The following TPR variants were observed in gnomAD, a reference collection of about 807,000 sequenced individuals.
TPR encodes nucleoprotein TPR.
A neutral mutation model predicts 316.1 loss-of-function variants in TPR; 51 were observed. The ratio of observed to expected loss-of-function variants is 0.16; its 90% CI spans 0.13 to 0.20. The LOEUF is 0.20. Among genes scored for constraint, TPR ranks in the 10% least tolerant of loss-of-function variants. TPR has a pLI of 1.00. For missense variants in TPR, 2,272 were observed against 2,754.8 expected (o/e 0.82, Z 3.92); for synonymous variants, 981 against 914.7 (o/e 1.07, Z -1.31).
At chr1:186,336,908 A>C in intron 32 of TPR, 105 bp downstream of exon 32, 1 of 1,515,058 alleles carries the variant, frequency 6.6e-7, no homozygotes, top group Non-Finnish European at 9.0e-7. Context: ...AAAGAATAAA[A>C]TGTATCCATT....
chr1:186,363,028 T>G, intron 5 of TPR, 27 bp from the exon 6 acceptor site: 1 of 1,579,428 alleles, frequency 6.3e-7, no homozygotes, highest in Non-Finnish European at 8.5e-7. Flanking sequence ...AAATAACACG[T>G]ACAGTTAAAG....
intron 14 of TPR, among the ~76,000 whole-genome samples, chr1:186,356,996 C>A (rs1053179664): frequency 3.3e-5 from 5 of 152,166 alleles, no homozygotes; most frequent in African/African-American, 1.2e-4. Context: ...TTGCTCAATT[C>A]TTTCCTCCCT....
At chr1:186,344,852 C>T (rs901333891) in intron 24 of TPR, among the ~76,000 whole-genome samples, 2 of 152,044 alleles carry the variant, frequency 1.3e-5, no homozygotes, top group African/African-American at 4.8e-5. Flanking sequence ...ATTATAGATC[C>T]ATTGATTTTA....
At chr1:186,323,947 A>T in intron 42 of TPR, 77 bp from the exon 43 acceptor site, 1 of 1,401,562 alleles carries the variant, frequency 7.1e-7, no homozygotes, top group Non-Finnish European at 9.6e-7. Flanking sequence ...AGAAGTATAA[A>T]TCTTGCCAAC....
At chr1:186,325,525 G>T (rs1329436464) in intron 42 of TPR, 1 of 365,806 alleles carries the variant, frequency 2.7e-6, no homozygotes, top group Non-Finnish European at 4.9e-6. Flanking sequence ...TACCGTAAGG[G>T]TTACAAAATG....
In TPR at chr1:186,312,061, T is replaced by C. The variant is rs1657287604; in HGVS notation, c.*1910A>G. ...AGCCATTATTAATATCAATATATTA[T>C]ATGAAAAATGAGAACAAAACTGTTT... On this transcript the variant is annotated 3_prime_UTR_variant, in exon 51 of 51. Coordinates refer to ENST00000367478, the MANE Select transcript of TPR (RefSeq NM_003292.3). 3.7e-6 allele frequency: 3 copies of C among 802,588 alleles called. No homozygotes were observed. The highest frequency in any genetic ancestry group is 1.7e-5 in the African/African-American group (1 of 57,828). 49.7% of individuals were successfully genotyped at this position (802,588 alleles called of 1,614,324 possible). A position where few individuals can be genotyped will look rare whatever the true frequency, so the allele number is the denominator to read the frequency against.
rs1659513462 is a variant in TPR at position 186,371,159 on chromosome 1, A to C, written c.257-116T>G. On this transcript the variant is annotated intron_variant, in intron 2 of 50. Coordinates refer to ENST00000367478, the MANE Select transcript of TPR (RefSeq NM_003292.3). ...TAAATGAAAAAACAGAAGCCCAGAA[A>C]GACTGCATTGTACATCACATTCCAA... 8 of 815,346 alleles carry C rather than the reference A, an allele frequency of 9.8e-6. No homozygotes were observed. The East Asian group carries it at 2.1e-4, about 22-fold the overall frequency. 50.5% of individuals were successfully genotyped at this position (815,346 alleles called of 1,614,324 possible). A position where few individuals can be genotyped will look rare whatever the true frequency, so the allele number is the denominator to read the frequency against.
intron 50 of TPR, 77 bp from the exon 51 acceptor site, chr1:186,314,103 T>C: frequency 1.5e-6 from 2 of 1,342,672 alleles, no homozygotes; most frequent in Non-Finnish European, 2.1e-6. Context: ...CCCTAGTTCA[T>C]TATAAAAAAT....
Position 186,355,737 on chromosome 1 carries a change from T to C in TPR, c.1920A>G (p.Ser640=). 6.2e-7 allele frequency: 1 copy of C among 1,614,066 alleles called. No individual in the cohort carries two copies. The highest frequency in any genetic ancestry group is 8.5e-7 in the Non-Finnish European group (1 of 1,180,002). Residue 640 remains serine, a synonymous_variant, in exon 16 of 51, where the codon TCA becomes TCG. Coordinates refer to ENST00000367478, the MANE Select transcript of TPR (RefSeq NM_003292.3). ...ASSLDDVSLA[S]TPKRPSTSQT... Reference sequence around the variant, plus strand: ...GTGATGTACTTGGACGTTTTGGAGTTGATGCAAGAGAAACATCATCTAAGC... The same window carrying C: ...GTGATGTACTTGGACGTTTTGGAGTCGATGCAAGAGAAACATCATCTAAGC...
chr1:186,327,499 A>C lies in TPR; in HGVS notation c.5850T>G (p.Asp1950Glu). 6 of 1,610,540 alleles carry C rather than the reference A, an allele frequency of 3.7e-6. No individual in the cohort carries two copies. Among genetic ancestry groups the C allele is most frequent in the Non-Finnish European group, 3.4e-6 (4 of 1,179,384 alleles). Residue 1950 changes from aspartate to glutamate, a missense_variant, in exon 40 of 51, where the codon GAT becomes GAG. Physicochemically the swap from Asp to Glu is conservative, Grantham distance 45 (BLOSUM62 2). This residue lies in a region of TPR where 435 missense variants were observed against 461.1 expected (regional missense o/e 0.94). Transcript: ENST00000367478. ...CATTTTCATCATCATCCTCTTCTTC[A>C]TCATCACTGTCAATTACAATGACAT... ...GDDVIVIDSDDEEEDDDENDG... is the reference protein window; with the variant it reads ...GDDVIVIDSDEEEEDDDENDG...
rs538331601 is a variant in TPR at position 186,368,729 on chromosome 1, CTT to C, written c.331-749_331-748del. ...GAACTGTAGGTTGCCTTTTAATATT[CTT>C]GTTTCCTGTGTAGAAGCTTTTTAGT... On this transcript the variant is annotated intron_variant, in intron 3 of 50. Transcript: ENST00000367478. Among the ~76,000 whole-genome samples the C allele has an allele frequency of 8.5e-5, 13 of 152,324 alleles. No individual in the cohort carries two copies. In the East Asian group the frequency reaches 2.5e-3, roughly 29 times the overall value.
At chr1:186,363,167 A>C (rs991020233) in intron 5 of TPR, among the ~76,000 whole-genome samples, 166 bp from the exon 6 acceptor site, 1 of 152,110 alleles carries the variant, frequency 6.6e-6, no homozygotes, top group Non-Finnish European at 1.5e-5. Context: ...AACAAACTTA[A>C]ATTTCAAACA....
Position 186,335,414 on chromosome 1 carries a change from C to A in TPR, c.4835G>T (p.Arg1612Leu), listed in dbSNP as rs773537863. 1.2e-5 allele frequency: 20 copies of A among 1,613,692 alleles called. No homozygotes were observed. Among genetic ancestry groups the A allele is most frequent in the Non-Finnish European group, 1.7e-5 (20 of 1,179,790 alleles). The change falls in exon 34 of 51, where the codon CGC becomes CTC. Residue 1612 changes from arginine (R) to leucine (L), a missense_variant. Around this residue, in one of 10 missense-constraint regions of TPR, gnomAD observed 109 missense variants for 215.3 expected, o/e 0.51. Coordinates refer to ENST00000367478, the MANE Select transcript of TPR (RefSeq NM_003292.3). ...ATGCTCCCTGAGTTCTCTTTCCAAGCGACTAATTCGACCTTCATATTGGGA... is the reference window on the plus strand; with the variant it reads ...ATGCTCCCTGAGTTCTCTTTCCAAGAGACTAATTCGACCTTCATATTGGGA... ...LKSQYEGRIS[R>L]LERELREHQE...
chr1:186,359,932 A>G lies in TPR; in HGVS notation c.1256T>C (p.Ile419Thr), dbSNP rs1659133937. ...CACTATTTCATCTAGGTACTTATTAATTCTTTTGTTCTCTAGTTTCTCCAA... is the reference window on the plus strand; with the variant it reads ...CACTATTTCATCTAGGTACTTATTAGTTCTTTTGTTCTCTAGTTTCTCCAA... ...LLLEKLENKR[I>T]NKYLDEIVKE... Residue 419 changes from isoleucine to threonine, a missense_variant, in exon 12 of 51, where the codon ATT becomes ACT. By Grantham distance (89) the Ile-to-Thr change is moderately conservative. Around this residue, in one of 10 missense-constraint regions of TPR, gnomAD observed 549 missense variants for 598.6 expected, o/e 0.92. Coordinates refer to ENST00000367478, the MANE Select transcript of TPR (RefSeq NM_003292.3). 6.2e-7 allele frequency: 1 copy of G among 1,609,178 alleles called. No homozygotes were observed. Among genetic ancestry groups the G allele is most frequent in the Middle Eastern group, 1.7e-4 (1 of 6,050 alleles).
At position 186,326,320 on chromosome 1, in the gene TPR, T is replaced by A. The variant is rs578022709; in HGVS notation, c.5890-85A>T. 5 of 1,522,924 alleles carry A rather than the reference T, an allele frequency of 3.3e-6. No individual in the cohort carries two copies. The East Asian group carries it at 1.2e-4, about 37-fold the overall frequency. 94.3% of individuals were successfully genotyped at this position (1,522,924 alleles called of 1,614,324 possible). On this transcript the variant is annotated intron_variant, in intron 40 of 50. Transcript: ENST00000367478. Reference sequence around the variant, plus strand: ...TGTCTAGATACCACACTTAGAAATTTAAGTGACTCATTAATCAGAAGATAG... The same window carrying A: ...TGTCTAGATACCACACTTAGAAATTAAAGTGACTCATTAATCAGAAGATAG...
At chr1:186,343,494 A>C in intron 26 of TPR, 21 bp from the exon 27 acceptor site, 10 of 1,591,786 alleles carry the variant, frequency 6.3e-6, no homozygotes, top group Non-Finnish European at 8.5e-6. Flanking sequence ...ACAGATATTA[A>C]AATTTTATGT....
At chr1:186,340,094 T>C (rs766776545) in intron 29 of TPR, among the ~76,000 whole-genome samples, 15 of 152,228 alleles carry the variant, frequency 9.9e-5, no homozygotes, top group Non-Finnish European at 1.9e-4. Context: ...ATTAAGTACC[T>C]AATTTCATTG....
intron 18 of TPR, among the ~76,000 whole-genome samples, chr1:186,353,165 G>A (rs995815125): frequency 1.3e-5 from 2 of 152,162 alleles, no homozygotes; most frequent in African/African-American, 2.4e-5. Flanking sequence ...GAGGTCAGTA[G>A]ATCGAGACCA....
chr1:186,339,075 T>C (rs1407077056), intron 30 of TPR, among the ~76,000 whole-genome samples: 2 of 152,170 alleles, frequency 1.3e-5, no homozygotes, highest in African/African-American at 4.8e-5. Flanking sequence ...TAATGTTTAA[T>C]TTCTTAATTT....
Sources: gnomAD v4.1 joint callset for allele counts (sites outside exome capture counted in the v4.1 genomes callset) on GRCh38, gnomAD v4.1.1 for gene constraint, gnomAD v4.1.1 regional missense constraint, MANE v1.5 for transcripts, NCBI Gene and HGNC (gene_info 2026-07-23, HGNC 2026-07-21) for gene names.